The following ENGASE variants were observed in gnomAD, a reference collection of about 807,000 sequenced individuals.
ENGASE encodes endo-beta-N-acetylglucosaminidase.
Under a neutral mutation model 78.5 loss-of-function variants are expected in ENGASE, and 69 were observed. The ratio of observed to expected loss-of-function variants is 0.88; its 90% confidence interval spans 0.72 to 1.07. The LOEUF is 1.07. Among genes scored for constraint, ENGASE ranks in the 50% least tolerant of loss-of-function variants. The probability of loss-of-function intolerance (pLI) is 0.00; values close to 1 mark genes in which losing one functional copy is unlikely to be tolerated. For synonymous variants in ENGASE, 408 were observed against 408.9 expected (o/e 1.00, Z 0.03); for missense variants, 943 against 988.4 (o/e 0.95, Z 0.62).
intron 3 of ENGASE, among the ~76,000 whole-genome samples, chr17:79,079,055 A>G (rs1275042203): frequency 1.3e-5 from 2 of 152,122 alleles, no homozygotes; most frequent in Non-Finnish European, 2.9e-5. Flanking sequence ...CCTTGCCTGG[A>G]CACAGCAGGC....
chr17:79,079,564 C>A lies in ENGASE; in HGVS notation c.492C>A (p.Phe164Leu), dbSNP rs558315648. Reference sequence around the variant, plus strand: ...AGTGCATCGACGTCTTTGTGTACTTCAGCCACCACACCGTCACCATTCCCC... The same window carrying A: ...AGTGCATCGACGTCTTTGTGTACTTAAGCCACCACACCGTCACCATTCCCC... The part of the protein sequence containing the change: ...HWQCIDVFVY[F>L]SHHTVTIPPV... The change falls in exon 4 of 14, where the codon TTC (phenylalanine) becomes TTA (leucine). Residue 164 changes from phenylalanine (F) to leucine (L), a missense_variant. Phe to Leu is a conservative substitution (Grantham distance 22). Transcript: ENST00000579016. 5.6e-6 allele frequency: 9 copies of A among 1,614,124 alleles called. No individual in the cohort carries two copies. Among genetic ancestry groups the A allele is most frequent in the Non-Finnish European group, 6.8e-6 (8 of 1,180,018 alleles).
chr17:79,085,573 A>T, intron 12 of ENGASE, 47 bp from the exon 13 acceptor site: 1 of 1,605,952 alleles, frequency 6.2e-7, no homozygotes, highest in Non-Finnish European at 8.5e-7. Context: ...CTCACCCTGG[A>T]GCCTCTGGGC....
At position 79,081,902 on chromosome 17, in the gene ENGASE, T is replaced by G. The variant is rs755777491; in HGVS notation, c.877T>G (p.Phe293Val). ...QDELNQHNRV[F>V]FDSCDGFFTN... is the part of the protein sequence containing the mutation. Reference sequence around the variant, plus strand: ...CAGGTCCTTGTTGCTTCTCAGGGTCTTCTTTGATTCCTGCGACGGCTTCTT... The same window carrying G: ...CAGGTCCTTGTTGCTTCTCAGGGTCGTCTTTGATTCCTGCGACGGCTTCTT... Residue 293 changes from phenylalanine (F) to valine (V), a missense_variant, in exon 7 of 14, where the codon TTC (phenylalanine) becomes GTC (valine). Physicochemically the swap from Phe to Val is conservative, Grantham distance 50. Transcript: ENST00000579016. The G allele has an allele frequency of 1.6e-5, 26 of 1,610,426 alleles. No homozygotes were observed. Among genetic ancestry groups the G allele is most frequent in the South Asian group, 4.4e-5 (4 of 90,894 alleles).
chr17:79,076,701 G>T (rs2072976580), intron 1 of ENGASE, among the ~76,000 whole-genome samples: 1 of 152,208 alleles, frequency 6.6e-6, no homozygotes, highest in Non-Finnish European at 1.5e-5. Flanking sequence ...ACTTAGGGAA[G>T]TGTGGCCTAT....
In ENGASE at chr17:79,083,081, A is replaced by G. The variant is rs201695253; in HGVS notation, c.1100A>G (p.Tyr367Cys). Residue 367 changes from tyrosine to cysteine, a missense_variant, in exon 8 of 14, where the codon TAT (tyrosine) becomes TGT (cysteine). Transcript: ENST00000579016. The surrounding 1 kb of genome is among the most constrained non-coding windows in gnomAD (Gnocchi z 4.9). ...GCTTTGTTTGCCCCCGGCTGGGTGT[A>G]TGAGTGTCTGGAGAAGAAGGATTTC... ...SVALFAPGWV[Y>C]ECLEKKDFFQ... 2.2e-5 allele frequency: 35 copies of G among 1,613,812 alleles called. No homozygotes were observed. The highest frequency in any genetic ancestry group is 5.0e-5 in the Admixed American group (3 of 59,974).
At chr17:79,079,166 T>G (rs918125959) in intron 3 of ENGASE, among the ~76,000 whole-genome samples, 6 of 152,098 alleles carry the variant, frequency 3.9e-5, no homozygotes, top group African/African-American at 1.4e-4. Context: ...ACTCTGTTTC[T>G]TTTTTTCTGT....
Position 79,085,751 on chromosome 17 carries a change from G to C in ENGASE, c.1815+17G>C. 2 of 1,611,710 alleles carry C rather than the reference G, an allele frequency of 1.2e-6. No individual in the cohort carries two copies. Among genetic ancestry groups the C allele is most frequent in the Non-Finnish European group, 1.7e-6 (2 of 1,179,264 alleles). ...GAGATCCAGGTGATGCTTCCCAGAG[G>C]GGCTCGGGCTGGGCTGGCTGTTTGT... On this transcript the variant is annotated intron_variant, in intron 13 of 13. Coordinates refer to ENST00000579016, the MANE Select transcript of ENGASE (RefSeq NM_001042573.3).
rs989227160 is a variant in ENGASE, at chr17:79,088,552, C to A, written c.*2203C>A. ...ATATGCCGGCGTTTAAGCCTGTGCC[C>A]CTCTGCTGGGTGTAACTGCGCTGAA... On this transcript the variant is annotated 3_prime_UTR_variant, in exon 14 of 14. Coordinates refer to ENST00000579016, the MANE Select transcript of ENGASE (RefSeq NM_001042573.3). The A allele has an allele frequency of 6.6e-6, 1 of 152,252 alleles. No individual in the cohort carries two copies. Among genetic ancestry groups the A allele is most frequent in the Non-Finnish European group, 1.5e-5 (1 of 68,068 alleles). The allele number at this position is 152,252 out of a possible 1,614,324, so 9.4% of individuals were successfully genotyped here.
At chr17:79,078,960 T>C (rs2073039721) in intron 3 of ENGASE, among the ~76,000 whole-genome samples, 1 of 152,184 alleles carries the variant, frequency 6.6e-6, no homozygotes, top group African/African-American at 2.4e-5. Flanking sequence ...TTAGATGCAA[T>C]GGCAGATGCC....
chr17:79,081,803 G>GTAC, intron 6 of ENGASE, 95 bp from the exon 7 acceptor site: 1 of 1,471,176 alleles, frequency 6.8e-7, no homozygotes, highest in Non-Finnish European at 9.1e-7. Flanking sequence ...ATCCCTCTGA[G>GTAC]TACTAGGAGG....
intron 10 of ENGASE, 83 bp from the exon 11 acceptor site, chr17:79,084,450 AGGGAG>A (rs1366050295): frequency 7.5e-7 from 1 of 1,341,720 alleles, no homozygotes; most frequent in Non-Finnish European, 1.0e-6. Flanking sequence ...CTGTTCCTGG[AGGGAG>A]GGGCTGGTGG....
At chr17:79,078,329 G>A (rs2073019645) in intron 3 of ENGASE, among the ~76,000 whole-genome samples, 1 of 152,170 alleles carries the variant, frequency 6.6e-6, no homozygotes, top group Non-Finnish European at 1.5e-5. Context: ...AACAGAGTGA[G>A]ACTCTGTCTC....
chr17:79,081,945 G>A lies in ENGASE; in HGVS notation c.920G>A (p.Arg307Gln), dbSNP rs762768889. The part of the protein sequence containing the change: ...CDGFFTNYNW[R>Q]EEHLERMLGQ... ...GGCTTCTTCACTAACTATAACTGGC[G>A]GGAGGAGCACTTGGAGCGGATGCTG... The change falls in exon 7 of 14, where the codon CGG (arginine) becomes CAG (glutamine). Residue 307 changes from arginine to glutamine, a missense_variant. Physicochemically the swap from Arg to Gln is conservative, Grantham distance 43. Coordinates refer to ENST00000579016, the MANE Select transcript of ENGASE (RefSeq NM_001042573.3). 1.8e-5 allele frequency: 29 copies of A among 1,614,020 alleles called. No homozygotes were observed. Among genetic ancestry groups the A allele is most frequent in the South Asian group, 6.6e-5 (6 of 91,082 alleles).
In ENGASE at chr17:79,086,997, A is replaced by G; in HGVS notation, c.*648A>G. ...TGCTCCGTGTTTCCTGGCGTTGGCAATTTACTGTGCTGCTGAGTGTGAGGT... is the reference window on the plus strand; with the variant it reads ...TGCTCCGTGTTTCCTGGCGTTGGCAGTTTACTGTGCTGCTGAGTGTGAGGT... On this transcript the variant is annotated 3_prime_UTR_variant, in exon 14 of 14. Transcript: ENST00000579016. 2.0e-6 allele frequency: 1 copy of G among 507,168 alleles called. No homozygotes were observed. Among genetic ancestry groups the G allele is most frequent in the South Asian group, 1.4e-5 (1 of 68,966 alleles). 31.4% of individuals were successfully genotyped at this position (507,168 alleles called of 1,614,324 possible).
Position 79,085,713 on chromosome 17 carries a change from C to CT in ENGASE, c.1795dup (p.Cys599LeufsTer37). ...GTAGTCGGGAGGAGGAGAGCTTCACCTGTCGGCTTGGAGAGATCCAGGTGA... is the reference window on the plus strand; with the variant it reads ...GTAGTCGGGAGGAGGAGAGCTTCACCTTGTCGGCTTGGAGAGATCCAGGTGA... On this transcript the variant is annotated frameshift_variant, in exon 13 of 14. Coordinates refer to ENST00000579016, the MANE Select transcript of ENGASE (RefSeq NM_001042573.3). LOFTEE classifies it low-confidence loss of function (END_TRUNC). The CT allele has an allele frequency of 6.2e-7, 1 of 1,613,876 alleles. No homozygotes were observed. Among genetic ancestry groups the CT allele is most frequent in the Non-Finnish European group, 8.5e-7 (1 of 1,179,992 alleles).
chr17:79,086,750 AGG>A lies in ENGASE; in HGVS notation c.*403_*404del, dbSNP rs2073324333. ...TTTCCTGCAGATGAAACTATTAGAA[AGG>A]GTCTTAGATTGTGGCAGGTAGGCTT... On this transcript the variant is annotated 3_prime_UTR_variant, in exon 14 of 14. Coordinates refer to ENST00000579016, the MANE Select transcript of ENGASE (RefSeq NM_001042573.3). 2 of 363,152 alleles carry A rather than the reference AGG, an allele frequency of 5.5e-6. No homozygotes were observed. Among genetic ancestry groups the A allele is most frequent in the Admixed American group, 7.5e-5 (2 of 26,770 alleles). 22.5% of individuals were successfully genotyped at this position (363,152 alleles called of 1,614,324 possible).
At chr17:79,077,245 T>C (rs3826312) in intron 1 of ENGASE, among the ~76,000 whole-genome samples, 185 bp from the exon 2 acceptor site, 18,577 of 152,284 alleles carry the variant, frequency 0.12, 1,271 homozygotes, top group African/African-American at 0.17. Context: ...GTTGCTAATA[T>C]AGGTAAAACC....
Position 79,074,976 on chromosome 17 carries a change from C to A in ENGASE, c.32C>A (p.Ser11Ter). The A allele has an allele frequency of 8.1e-7, 1 of 1,240,674 alleles. No homozygotes were observed. The allele number at this position is 1,240,674 out of a possible 1,614,324, so 76.9% of individuals were successfully genotyped here. A position where few individuals can be genotyped will look rare whatever the true frequency, so the allele number is the denominator to read the frequency against. The change falls in exon 1 of 14, where the codon TCG becomes TAG. Residue 11 changes from serine (S) to a stop codon, truncating the protein, a stop_gained. Coordinates refer to ENST00000579016, the MANE Select transcript of ENGASE (RefSeq NM_001042573.3). LOFTEE classifies it high-confidence loss of function. MEAAAVTVTR[S>*]ATRRRRRQLQ... ...GCCGCGGCGGTGACGGTCACCCGGTCGGCTACACGGCGGCGGCGGCGGCAG... is the reference window on the plus strand; with the variant it reads ...GCCGCGGCGGTGACGGTCACCCGGTAGGCTACACGGCGGCGGCGGCGGCAG...
intron 1 of ENGASE, among the ~76,000 whole-genome samples, chr17:79,076,991 A>G (rs2072984227): frequency 3.9e-5 from 6 of 152,182 alleles, no homozygotes; most frequent in Admixed American, 3.9e-4. Flanking sequence ...TCCCTGCCTC[A>G]GCCTCCCAAG....
Sources: allele counts gnomAD v4.1 joint callset (sites outside exome capture counted in the v4.1 genomes callset), GRCh38; gene constraint gnomAD v4.1.1; non-coding constraint Gnocchi (gnomAD v3.1); transcripts MANE v1.5; gene names NCBI Gene and HGNC (gene_info 2026-07-23, HGNC 2026-07-21).